The following PATJ variants were observed in gnomAD, a reference collection of about 807,000 sequenced individuals.
PATJ encodes the protein PATJ crumbs cell polarity complex component, also known as inaD-like protein.
Under a neutral mutation model 224.9 loss-of-function variants are expected in PATJ, and 190 were observed. The ratio of observed to expected loss-of-function variants is 0.84; its 90% CI spans 0.75 to 0.95. PATJ has a LOEUF of 0.95. Ranked by LOEUF, PATJ falls within the 40% of genes least tolerant of loss-of-function variation. The pLI is 0.00. For missense variants in PATJ, 2,121 were observed against 2,270.3 expected (o/e 0.93, Z 1.34); for synonymous variants, 769 against 820.3 (o/e 0.94, Z 1.07).
chr1:61,856,133 C>T lies in PATJ; in HGVS notation c.2216C>T (p.Ser739Leu), dbSNP rs369839268. Residue 739 changes from serine (S) to leucine (L), a missense_variant, in exon 18 of 44, where the codon TCA (serine) becomes TTA (leucine). Ser to Leu is a moderately radical substitution (Grantham distance 145). Transcript: ENST00000642238. ...GGLLPGDRLV[S>L]VNEYCLDNTS... is the part of the protein sequence containing the mutation. ...CTATTACCTGGAGACCGCCTGGTCT[C>T]AGTCAATGAATACTGTTTGGACAAC... 1.9e-6 allele frequency: 3 copies of T among 1,614,004 alleles called. No individual in the cohort carries two copies. Among genetic ancestry groups the T allele is most frequent in the Non-Finnish European group, 8.5e-7 (1 of 1,179,862 alleles).
intron 31 of PATJ, among the ~76,000 whole-genome samples, chr1:62,064,291 G>T (rs1347440126): frequency 6.7e-6 from 1 of 150,106 alleles, no homozygotes; most frequent in Non-Finnish European, 1.5e-5. Flanking sequence ...TGGACTTAAT[G>T]ACTTTTGAAG....
intron 18 of PATJ, among the ~76,000 whole-genome samples, chr1:61,856,879 AT>A (rs1449989436): frequency 3.3e-5 from 5 of 152,134 alleles, no homozygotes; most frequent in Non-Finnish European, 7.4e-5. Context: ...GGTGTGAGCC[AT>A]TGCACCTGGC....
intron 8 of PATJ, among the ~76,000 whole-genome samples, chr1:61,790,822 G>A (rs914619574): frequency 6.6e-6 from 1 of 151,454 alleles, no homozygotes; most frequent in African/African-American, 2.4e-5. Context: ...CCTCTGCTTA[G>A]CTTCTTACAA....
chr1:61,913,290 A>G (rs1459107212), intron 25 of PATJ, among the ~76,000 whole-genome samples: 2 of 151,908 alleles, frequency 1.3e-5, no homozygotes, highest in Non-Finnish European at 2.9e-5. Context: ...GCTGGTGTTC[A>G]GTGGTGCAAT....
At chr1:61,993,580 TC>T (rs1366504162) in intron 28 of PATJ, among the ~76,000 whole-genome samples, 1 of 151,724 alleles carries the variant, frequency 6.6e-6, no homozygotes, top group Non-Finnish European at 1.5e-5. Flanking sequence ...CAAAAGACAC[TC>T]TTGTTACCCA....
At chr1:62,043,112 G>C (rs1404534881) in intron 30 of PATJ, among the ~76,000 whole-genome samples, 3 of 151,976 alleles carry the variant, frequency 2.0e-5, no homozygotes, top group African/African-American at 7.2e-5. Flanking sequence ...CCAATTACCT[G>C]TGGGCATACA....
intron 39 of PATJ, among the ~76,000 whole-genome samples, chr1:62,125,537 G>C (rs1570710008): frequency 1.3e-5 from 2 of 152,078 alleles, no homozygotes; most frequent in Admixed American, 1.3e-4. Flanking sequence ...ATGTTCCTAT[G>C]ATGGGGAAGT....
chr1:62,152,284 G>C (rs890102446), intron 42 of PATJ, among the ~76,000 whole-genome samples: 1 of 152,186 alleles, frequency 6.6e-6, no homozygotes, highest in Non-Finnish European at 1.5e-5. Context: ...AAGGGAGGCA[G>C]GAGAGCCTCA....
chr1:61,965,217 A>G (rs1374713090), intron 27 of PATJ, among the ~76,000 whole-genome samples: 2 of 148,438 alleles, frequency 1.3e-5, no homozygotes, highest in African/African-American at 4.9e-5. Context: ...TACCTTTTCA[A>G]TCAAGCCATT....
chr1:61,994,960 T>G (rs1444618746), intron 28 of PATJ, among the ~76,000 whole-genome samples: 1 of 152,208 alleles, frequency 6.6e-6, no homozygotes, highest in African/African-American at 2.4e-5. Context: ...GTTTTCTTTT[T>G]ATAACTCAGA....
intron 1 of PATJ, among the ~76,000 whole-genome samples, chr1:61,747,415 C>A (rs998852460): frequency 6.6e-6 from 1 of 152,166 alleles, no homozygotes; most frequent in Non-Finnish European, 1.5e-5. Context: ...TACCATATAA[C>A]GCTTGACAAG....
intron 7 of PATJ, among the ~76,000 whole-genome samples, chr1:61,777,235 A>G (rs1258540246): frequency 6.6e-6 from 1 of 152,150 alleles, no homozygotes; most frequent in Non-Finnish European, 1.5e-5. Flanking sequence ...GAAAATTTGT[A>G]TTTTACCATA....
chr1:61,967,961 G>C (rs1682404536), intron 27 of PATJ, among the ~76,000 whole-genome samples: 1 of 152,114 alleles, frequency 6.6e-6, no homozygotes. Flanking sequence ...AATGAAAACA[G>C]ACTGGCTGCA....
At chr1:61,788,102 A>AG (rs1184900834) in intron 8 of PATJ, 130 bp downstream of exon 8, 4 of 668,414 alleles carry the variant, frequency 6.0e-6, no homozygotes, top group Admixed American at 3.0e-5. Context: ...ACAGGAAAAA[A>AG]AAAACTTATT....
At chr1:62,003,585 A>C (rs1645917815) in intron 28 of PATJ, among the ~76,000 whole-genome samples, 1 of 152,236 alleles carries the variant, frequency 6.6e-6, no homozygotes. Flanking sequence ...TGAGTCCTTG[A>C]AACCTGCTCC....
chr1:61,845,990 A>G (rs1165612951), intron 17 of PATJ: 3 of 152,232 alleles, frequency 2.0e-5, no homozygotes, highest in African/African-American at 7.2e-5. Flanking sequence ...AGCAGATGAT[A>G]GCACTGTTGG....
chr1:62,079,800 C>G (rs534865382), intron 32 of PATJ, among the ~76,000 whole-genome samples: 1 of 152,152 alleles, frequency 6.6e-6, no homozygotes, highest in East Asian at 1.9e-4. Context: ...TAGAACAGAA[C>G]AGGACCTCAG....
intron 28 of PATJ, among the ~76,000 whole-genome samples, chr1:62,003,235 C>T (rs1389164138): frequency 6.6e-6 from 1 of 152,206 alleles, no homozygotes; most frequent in East Asian, 1.9e-4. Context: ...ATTGGAGCAA[C>T]TTTCACAGGA....
At chr1:61,777,703 C>CTTTCTTTT (rs1415203243) in intron 7 of PATJ, among the ~76,000 whole-genome samples, 3 of 48,746 alleles carry the variant, frequency 6.2e-5, no homozygotes, top group African/African-American at 2.1e-4. Context: ...TTCTTTCTTT[C>CTTTCTTTT]TTTTTTTTTT....
Sources: gnomAD v4.1 joint callset for allele counts (sites outside exome capture counted in the v4.1 genomes callset) on GRCh38, gnomAD v4.1.1 for gene constraint, MANE v1.5 for transcripts, NCBI Gene and HGNC (gene_info 2026-07-23, HGNC 2026-07-21) for gene names.